Variants in NAALADL2 observed in about 807,000 individuals in gnomAD.
NAALADL2 encodes the protein inactive N-acetylated-alpha-linked acidic dipeptidase-like protein 2.
In NAALADL2, 76 loss-of-function variants were observed where a neutral mutation model predicts 87.2. The ratio of observed to expected loss-of-function variants is 0.87; its 90% CI spans 0.72 to 1.05. NAALADL2 has a LOEUF of 1.05. Ranked by LOEUF, NAALADL2 falls within the 50% of genes least tolerant of loss-of-function variation. The probability of loss-of-function intolerance (pLI) is 0.00; values close to 1 mark genes in which losing one functional copy is unlikely to be tolerated. For missense variants in NAALADL2, 1,089 were observed against 945.8 expected, an observed-to-expected ratio of 1.15 and a Z score of -1.99; for synonymous variants, 354 against 331.0, an observed-to-expected ratio of 1.07 and a Z score of -0.75.
At chr3:175,670,537 TA>T (rs1733850033) in intron 11 of NAALADL2, among the ~76,000 whole-genome samples, 2 of 850 alleles carry the variant, frequency 2.4e-3, no homozygotes, top group African/African-American at 6.3e-3. Context: ...TAAATTTAAT[TA>T]TATTATTTTA....
chr3:174,795,389 T>C (rs1578961653), intron 3 of NAALADL2, among the ~76,000 whole-genome samples: 2 of 152,272 alleles, frequency 1.3e-5, no homozygotes, highest in East Asian at 3.9e-4. Flanking sequence ...AATATTTTTA[T>C]ATGCTAAAAA....
intron 11 of NAALADL2, among the ~76,000 whole-genome samples, chr3:175,656,743 G>C (rs1239470834): frequency 2.0e-5 from 3 of 151,512 alleles, no homozygotes; most frequent in African/African-American, 7.3e-5. Context: ...GTGTGTATGT[G>C]TGTGTGTGTG....
chr3:175,195,025 TTC>T (rs199512057), intron 2 of NAALADL2, among the ~76,000 whole-genome samples: 7 of 149,402 alleles, frequency 4.7e-5, no homozygotes, highest in Non-Finnish European at 7.5e-5. Context: ...TAATTTTTAA[TTC>T]TCTCTCTCTC....
intron 1 of NAALADL2, among the ~76,000 whole-genome samples, chr3:175,028,455 G>A (rs187011702): frequency 1.4e-3 from 216 of 152,134 alleles, no homozygotes; most frequent in African/African-American, 3.8e-3. Flanking sequence ...GGATTTAGAA[G>A]CTATTTTTAC....
intron 2 of NAALADL2, among the ~76,000 whole-genome samples, chr3:174,654,061 TGTGTG>T (rs1724652016): frequency 2.4e-5 from 1 of 41,434 alleles, no homozygotes; most frequent in Non-Finnish European, 4.3e-5. Context: ...AAGATGGCTT[TGTGTG>T]TGTGTGTGTG....
intron 3 of NAALADL2, among the ~76,000 whole-genome samples, chr3:174,836,214 A>G (rs1329457475): frequency 6.6e-6 from 1 of 152,200 alleles, no homozygotes; most frequent in African/African-American, 2.4e-5. Context: ...GTCATTACGC[A>G]AAGTGAAATA....
intron 5 of NAALADL2, among the ~76,000 whole-genome samples, chr3:175,405,644 G>A (rs1219426280): frequency 6.6e-5 from 10 of 152,036 alleles, no homozygotes. Context: ...CAATCCTGGT[G>A]ACTTAATAAT....
At chr3:175,745,262 A>G (rs916237630) in intron 12 of NAALADL2, among the ~76,000 whole-genome samples, 7 of 152,228 alleles carry the variant, frequency 4.6e-5, no homozygotes, top group African/African-American at 1.4e-4. Context: ...TATTTGGTCA[A>G]TGCCAAGCAC....
At chr3:175,089,084 C>T (rs977451181) in intron 1 of NAALADL2, among the ~76,000 whole-genome samples, 7 of 152,074 alleles carry the variant, frequency 4.6e-5, no homozygotes, top group African/African-American at 1.7e-4. Context: ...GTGGTCTTTT[C>T]CTCAGGGCAC....
chr3:174,807,869 T>TTGTGTGTGTGTGTG (rs374956917), intron 3 of NAALADL2, among the ~76,000 whole-genome samples: 24,237 of 149,720 alleles, frequency 0.16, 2,172 homozygotes, highest in East Asian at 0.25. Context: ...ATTATTTTCA[T>TTGTGTGTGTGTGTG]TGTGTGTGTG....
intron 2 of NAALADL2, among the ~76,000 whole-genome samples, chr3:175,209,915 T>G (rs1397415330): frequency 1.3e-5 from 2 of 151,814 alleles, no homozygotes; most frequent in African/African-American, 4.8e-5. Context: ...AGTCTACAAG[T>G]CTTCGTTTTC....
chr3:175,420,016 C>T (rs1472086066), intron 5 of NAALADL2, among the ~76,000 whole-genome samples: 3 of 151,902 alleles, frequency 2.0e-5, no homozygotes, highest in African/African-American at 7.2e-5. Context: ...ATGGAGCAGA[C>T]ATCGTTGGCC....
At chr3:174,945,304 G>A (rs1437970369) in intron 1 of NAALADL2, among the ~76,000 whole-genome samples, 2 of 152,142 alleles carry the variant, frequency 1.3e-5, no homozygotes, top group Non-Finnish European at 2.9e-5. Context: ...AGAAACTGAG[G>A]CTTATGAAGC....
intron 10 of NAALADL2, among the ~76,000 whole-genome samples, chr3:175,592,881 A>G (rs1489590792): frequency 2.0e-5 from 3 of 151,990 alleles, no homozygotes; most frequent in Non-Finnish European, 4.4e-5. Flanking sequence ...CTAAAACTTA[A>G]AGTATAATAA....
intron 13 of NAALADL2, among the ~76,000 whole-genome samples, chr3:175,765,185 T>C (rs1748532298): frequency 6.6e-6 from 1 of 152,176 alleles, no homozygotes; most frequent in Non-Finnish European, 1.5e-5. Context: ...AATGACAATG[T>C]AAAATTTCCA....
At chr3:174,512,932 G>A (rs540476280) in intron 1 of NAALADL2, among the ~76,000 whole-genome samples, 61 of 151,690 alleles carry the variant, frequency 4.0e-4, no homozygotes, top group African/African-American at 1.4e-3. Context: ...TTTGAACAAA[G>A]ATGACCAGTG....
At chr3:174,534,436 A>C (rs922768471) in intron 1 of NAALADL2, among the ~76,000 whole-genome samples, 3 of 152,242 alleles carry the variant, frequency 2.0e-5, no homozygotes, top group Non-Finnish European at 4.4e-5. Flanking sequence ...TTATTTGAGC[A>C]GCTGAATGAC....
intron 2 of NAALADL2, among the ~76,000 whole-genome samples, chr3:174,672,569 T>C (rs1353182702): frequency 6.6e-6 from 1 of 152,024 alleles, no homozygotes; most frequent in African/African-American, 2.4e-5. Flanking sequence ...TAATGGGGTG[T>C]GCGTATTATA....
rs748354110 is a variant in NAALADL2, at chr3:175,657,386, C to T, written c.1896+30000C>T. On this transcript the variant is annotated intron_variant, in intron 11 of 13. Coordinates refer to ENST00000454872, the MANE Select transcript of NAALADL2 (RefSeq NM_207015.3). ...ATCAGGGACATTAAATGTAAAACAA[C>T]TTTTTATTTTCGTAAAAATCATTTT... 5.5e-4 allele frequency among the ~76,000 whole-genome samples: 83 copies of T among 152,186 alleles called. 2 individuals are homozygous for T. Among genetic ancestry groups the T allele is most frequent in the Admixed American group, 9.2e-4 (14 of 15,278 alleles).
Sources: gnomAD v4.1 joint callset for allele counts (sites outside exome capture counted in the v4.1 genomes callset) on GRCh38, gnomAD v4.1.1 for gene constraint, MANE v1.5 for transcripts, NCBI Gene and HGNC (gene_info 2026-07-23, HGNC 2026-07-21) for gene names.